Variants in INSC observed in about 807,000 individuals in gnomAD.
INSC encodes the protein protein inscuteable homolog.
A neutral mutation model predicts 58.6 loss-of-function variants in INSC; 67 were observed. That is an observed-to-expected ratio of 1.14 (90% CI 0.94 to 1.40). INSC has a LOEUF of 1.40. INSC is among the 40% of genes most tolerant of loss of function. The pLI, the probability that INSC is intolerant of heterozygous loss-of-function variation, is 0.00. For synonymous variants in INSC, 262 were observed against 276.1 expected, an observed-to-expected ratio of 0.95 and a Z score of 0.51; for missense variants, 714 against 692.0, an observed-to-expected ratio of 1.03 and a Z score of -0.36.
intron 1 of INSC, among the ~76,000 whole-genome samples, chr11:15,115,699 A>G (rs75721403): frequency 0.014 from 2,101 of 152,192 alleles, 25 homozygotes; most frequent in South Asian, 0.05. Flanking sequence ...GCCACCCACA[A>G]ACACTCGCAG....
chr11:15,178,494 G>A (rs199761739), intron 5 of INSC, 47 bp downstream of exon 5: 390 of 1,581,550 alleles, frequency 2.5e-4, no homozygotes, highest in Non-Finnish European at 3.2e-4. Flanking sequence ...GTGGACCCTT[G>A]GAGGAAAGGA....
intron 1 of INSC, among the ~76,000 whole-genome samples, chr11:15,127,386 T>C (rs1848022479): frequency 6.6e-6 from 1 of 152,220 alleles, no homozygotes; most frequent in African/African-American, 2.4e-5. Flanking sequence ...CCTCCATCTT[T>C]GCATTTAGGA....
the INSC span, among the ~76,000 whole-genome samples, chr11:15,257,703 G>C: frequency 2.6e-5 from 4 of 152,256 alleles, no homozygotes; most frequent in East Asian, 3.9e-4. Context: ...TTTGGACATA[G>C]AGACACATGC....
At chr11:15,255,238 A>G in the INSC span, among the ~76,000 whole-genome samples, 1 of 152,014 alleles carries the variant, frequency 6.6e-6, no homozygotes, top group South Asian at 2.1e-4. Flanking sequence ...CAAATTCCAA[A>G]CTCTATTTGA....
At chr11:15,267,588 G>A in the INSC span, among the ~76,000 whole-genome samples, 1 of 151,784 alleles carries the variant, frequency 6.6e-6, no homozygotes, top group Non-Finnish European at 1.5e-5. Context: ...TTCAATTTGG[G>A]TCTTTTAAAA....
rs1209076865 is a variant in INSC, at chr11:15,245,182, T to C, written c.1471-730T>C. ...CTTGAGGTCAGCCCAGGGGCCCTGG[T>C]TGCACAGGGGAGGGAGGGATGGACT... On this transcript the variant is annotated intron_variant, in intron 12 of 12. Coordinates refer to ENST00000379556, the MANE Select transcript of INSC (RefSeq NM_001042536.3). Among the ~76,000 whole-genome samples, 4 of 152,046 alleles carry C rather than the reference T, an allele frequency of 2.6e-5. No individual in the cohort carries two copies. The East Asian group carries it at 7.8e-4, about 30-fold the overall frequency.
At chr11:15,256,335 AACTT>A in the INSC span, among the ~76,000 whole-genome samples, 2 of 152,176 alleles carry the variant, frequency 1.3e-5, no homozygotes, top group Non-Finnish European at 2.9e-5. Flanking sequence ...TTTAATAATG[AACTT>A]ACTTATACTT....
At chr11:15,162,493 G>A (rs1849054022) in intron 2 of INSC, among the ~76,000 whole-genome samples, 1 of 152,150 alleles carries the variant, frequency 6.6e-6, no homozygotes, top group Non-Finnish European at 1.5e-5. Flanking sequence ...CTTTCCACTT[G>A]ACGATTGTGG....
At chr11:15,207,636 G>A (rs887178940) in intron 7 of INSC, among the ~76,000 whole-genome samples, 1 of 152,160 alleles carries the variant, frequency 6.6e-6, no homozygotes, top group Non-Finnish European at 1.5e-5. Context: ...AGGAGGGAGT[G>A]GGCTGCAAGC....
chr11:15,200,723 C>A, intron 6 of INSC, 101 bp from the exon 7 acceptor site: 3 of 1,537,278 alleles, frequency 2.0e-6, no homozygotes, highest in Non-Finnish European at 2.7e-6. Flanking sequence ...GCAGGGAGGA[C>A]CCGAAAGCAT....
intron 2 of INSC, among the ~76,000 whole-genome samples, chr11:15,174,022 A>G (rs532900766): frequency 6.6e-6 from 1 of 152,104 alleles, no homozygotes; most frequent in African/African-American, 2.4e-5. Flanking sequence ...ATAAAAGCCA[A>G]ATCTCCACCT....
rs76544578 is a variant in INSC, at chr11:15,204,824, G to A, written c.819+3875G>A. On this transcript the variant is annotated intron_variant, in intron 7 of 12. Coordinates refer to ENST00000379556, the MANE Select transcript of INSC (RefSeq NM_001042536.3). The stretch of plus-strand genomic sequence containing the variant: ...GCTTAATTAATTGGCAGTGGGAAAC[G>A]TGCTGGATTTGGTGAAATTCGTCTC... 5.5e-3 allele frequency among the ~76,000 whole-genome samples: 841 copies of A among 152,330 alleles called. 5 individuals carry two copies. Among genetic ancestry groups the A allele is most frequent in the African/African-American group, 0.018 (750 of 41,576 alleles).
At chr11:15,141,546 G>A (rs999783593) in intron 1 of INSC, among the ~76,000 whole-genome samples, 1 of 152,176 alleles carries the variant, frequency 6.6e-6, no homozygotes, top group African/African-American at 2.4e-5. Flanking sequence ...CTTCCTCCAG[G>A]GAGCTAGAGC....
chr11:15,181,207 G>T (rs913669846), intron 5 of INSC, among the ~76,000 whole-genome samples: 7 of 152,140 alleles, frequency 4.6e-5, no homozygotes, highest in African/African-American at 1.7e-4. Context: ...TGTTTTGCTC[G>T]TGCATATATC....
chr11:15,266,063 C>T, the INSC span, among the ~76,000 whole-genome samples: 29 of 151,694 alleles, frequency 1.9e-4, 1 homozygote, highest in Middle Eastern at 3.4e-3. Context: ...GACATGATTT[C>T]CAGGAATAGG....
At chr11:15,117,833 T>C (rs529435279) in intron 1 of INSC, among the ~76,000 whole-genome samples, 124 of 152,296 alleles carry the variant, frequency 8.1e-4, no homozygotes, top group African/African-American at 2.8e-3. Flanking sequence ...GGAGGTTTTT[T>C]TCCTAGTAGC....
In INSC at chr11:15,245,709, A is replaced by C. The variant is rs144327989; in HGVS notation, c.1471-203A>C. ...TAGTGATCAAGGTGCAAATAAAGCTAGCTGACCAAGAGATGTGGTTGCTAT... is the reference window on the plus strand; with the variant it reads ...TAGTGATCAAGGTGCAAATAAAGCTCGCTGACCAAGAGATGTGGTTGCTAT... On this transcript the variant is annotated intron_variant, in intron 12 of 12. Transcript: ENST00000379556. Among the ~76,000 whole-genome samples the C allele has an allele frequency of 2.9e-3, 436 of 152,360 alleles. 2 individuals are homozygous for C. Among genetic ancestry groups the C allele is most frequent in the African/African-American group, 0.01 (420 of 41,578 alleles).
In INSC at chr11:15,181,805, G is replaced by C. The variant is rs76818348; in HGVS notation, c.579+3358G>C. Among the ~76,000 whole-genome samples, 1,487 of 152,108 alleles carry C rather than the reference G, an allele frequency of 9.8e-3. 17 individuals are homozygous for C. Among genetic ancestry groups the C allele is most frequent in the African/African-American group, 0.033 (1,389 of 41,468 alleles). On this transcript the variant is annotated intron_variant, in intron 5 of 12. Transcript: ENST00000379556. ...TATCTTTGTATTGCCATTTACTCTC[G>C]TTGCAGCTTCTACTTACCTATATTG...
chr11:15,219,161 G>A (rs1402646603), intron 7 of INSC, among the ~76,000 whole-genome samples: 1 of 152,114 alleles, frequency 6.6e-6, no homozygotes, highest in Non-Finnish European at 1.5e-5. Flanking sequence ...AATTCTGGTG[G>A]AATAGGTCTG....
Sources: allele counts gnomAD v4.1 joint callset (sites outside exome capture counted in the v4.1 genomes callset), GRCh38; gene constraint gnomAD v4.1.1; transcripts MANE v1.5; gene names NCBI Gene and HGNC (gene_info 2026-07-23, HGNC 2026-07-21).